ARSG: variants seen among roughly 807,000 people sequenced by gnomAD.
The protein encoded by ARSG is arylsulfatase G.
ARSG carries 37 observed loss-of-function variants against 50.5 expected under a neutral mutation model. The observed-to-expected ratio is 0.73, with a 90% CI of 0.56 to 0.96. ARSG has a LOEUF of 0.96. Among genes scored for constraint, ARSG ranks in the 50% least tolerant of loss-of-function variants. ARSG has a pLI of 0.00. For synonymous variants in ARSG, 225 were observed against 254.6 expected (o/e 0.88, Z 1.11); for missense variants, 629 against 675.3 (o/e 0.93, Z 0.76).
chr17:68,315,699 C>G (rs2077044172), intron 2 of ARSG, among the ~76,000 whole-genome samples: 1 of 152,096 alleles, frequency 6.6e-6, no homozygotes, highest in South Asian at 2.1e-4. Context: ...GTGGCGCGAT[C>G]TTGGCTCACT....
downstream of ARSG, chr17:68,421,899 C>T: frequency 6.3e-7 from 1 of 1,583,034 alleles, no homozygotes; most frequent in Non-Finnish European, 8.7e-7. Flanking sequence ...CAGGTCTGTG[C>T]CCATGCAGAG....
At chr17:68,415,120 T>C (rs1352762282) in intron 11 of ARSG, among the ~76,000 whole-genome samples, 1 of 152,206 alleles carries the variant, frequency 6.6e-6, no homozygotes, top group African/African-American at 2.4e-5. Flanking sequence ...CCTTAGAATG[T>C]CAGTTTGTGC....
Position 68,347,168 on chromosome 17 carries a change from C to T in ARSG, c.450C>T (p.Phe150=), listed in dbSNP as rs778599263. Residue 150 remains phenylalanine, a synonymous_variant, in exon 4 of 12, where the codon TTC becomes TTT. Coordinates refer to ENST00000621439, the MANE Select transcript of ARSG (RefSeq NM_001267727.2). The part of the protein sequence containing the change: ...LGHHGSYHPN[F]RGFDYYFGIP... ...ACCACGGCTCTTATCACCCCAACTT[C>T]CGTGGTAAGAATTCTTTTGGGGATT... The T allele has an allele frequency of 3.1e-6, 5 of 1,613,792 alleles. No individual in the cohort carries two copies. Among genetic ancestry groups the T allele is most frequent in the East Asian group, 2.2e-5 (1 of 44,902 alleles).
intron 11 of ARSG, among the ~76,000 whole-genome samples, chr17:68,405,599 A>G (rs937503352): frequency 3.9e-5 from 6 of 152,202 alleles, no homozygotes; most frequent in African/African-American, 1.2e-4. Context: ...TTTTCTACAT[A>G]TAAGATTATA....
chr17:68,359,969 G>A (rs1196837648), intron 6 of ARSG, among the ~76,000 whole-genome samples: 1 of 152,176 alleles, frequency 6.6e-6, no homozygotes, highest in Non-Finnish European at 1.5e-5. Context: ...GTGCCCCATG[G>A]CACGTGGATG....
chr17:68,323,182 T>G (rs1555771204), intron 2 of ARSG, among the ~76,000 whole-genome samples: 1 of 152,148 alleles, frequency 6.6e-6, no homozygotes, highest in African/African-American at 2.4e-5. Context: ...GTGTGACTTA[T>G]AAATTCTCTC....
chr17:68,352,643 A>G (rs1233048750), intron 5 of ARSG, among the ~76,000 whole-genome samples: 2 of 151,412 alleles, frequency 1.3e-5, no homozygotes, highest in Non-Finnish European at 2.9e-5. Context: ...TTGAGTAGCT[A>G]GGATTACAGG....
chr17:68,366,582 A>C (rs1339906504), intron 6 of ARSG, among the ~76,000 whole-genome samples: 3 of 152,086 alleles, frequency 2.0e-5, no homozygotes, highest in African/African-American at 7.3e-5. Flanking sequence ...AAAACTAGGC[A>C]AGAATGGAGA....
chr17:68,429,523 G>T, the ARSG span, among the ~76,000 whole-genome samples: 1 of 152,170 alleles, frequency 6.6e-6, no homozygotes, highest in Non-Finnish European at 1.5e-5. Flanking sequence ...TGCCCCCTGA[G>T]AATCCGTATT....
At chr17:68,306,665 G>C (rs1411225779) in intron 1 of ARSG, among the ~76,000 whole-genome samples, 4 of 152,200 alleles carry the variant, frequency 2.6e-5, no homozygotes, top group African/African-American at 9.6e-5. Context: ...GGCTGGTCCT[G>C]GTCCCACCCA....
intron 8 of ARSG, chr17:68,379,811 C>T (rs1769368441): frequency 8.1e-6 from 8 of 985,220 alleles, no homozygotes; most frequent in African/African-American, 1.7e-5. Context: ...ACCAAACTGT[C>T]GGAGGTTGTG....
chr17:68,419,132 G>C (rs912067106), intron 11 of ARSG, among the ~76,000 whole-genome samples: 1 of 151,632 alleles, frequency 6.6e-6, no homozygotes, highest in Non-Finnish European at 1.5e-5. Flanking sequence ...TCGAATCCAC[G>C]TAAGACTGTC....
intron 1 of ARSG, among the ~76,000 whole-genome samples, chr17:68,262,675 A>C (rs2144841560): frequency 6.6e-6 from 1 of 152,322 alleles, no homozygotes; most frequent in Admixed American, 6.5e-5. Context: ...GCCAGCTAGA[A>C]GACTACTGTA....
At chr17:68,447,709 G>A in the ARSG span, among the ~76,000 whole-genome samples, 3 of 152,060 alleles carry the variant, frequency 2.0e-5, no homozygotes, top group Admixed American at 6.6e-5. Context: ...AAAGGGATTT[G>A]GGGCCAGGTG....
chr17:68,411,429 C>T (rs952051893), intron 11 of ARSG, among the ~76,000 whole-genome samples: 19 of 152,226 alleles, frequency 1.2e-4, no homozygotes, highest in Admixed American at 7.2e-4. Flanking sequence ...TGTAGTTGAG[C>T]GGTTTTGAGT....
intron 2 of ARSG, among the ~76,000 whole-genome samples, chr17:68,330,695 C>A (rs1283417026): frequency 6.6e-6 from 1 of 152,098 alleles, no homozygotes; most frequent in African/African-American, 2.4e-5. Flanking sequence ...AAGGAAGCAA[C>A]CACATGCCAC....
At chr17:68,445,817 C>A in the ARSG span, among the ~76,000 whole-genome samples, 1 of 152,220 alleles carries the variant, frequency 6.6e-6, no homozygotes, top group Non-Finnish European at 1.5e-5. Flanking sequence ...AGCTGCCGAC[C>A]ACCCCTGCAC....
At chr17:68,395,970 C>T (rs2081224951) in intron 10 of ARSG, among the ~76,000 whole-genome samples, 1 of 151,620 alleles carries the variant, frequency 6.6e-6, no homozygotes, top group Admixed American at 6.6e-5. Flanking sequence ...ATTCTCCCAG[C>T]TCCAGAGGGC....
rs142042022 is a variant in ARSG at position 68,347,022 on chromosome 17, C to T, written c.407-103C>T. On this transcript the variant is annotated intron_variant, in intron 3 of 11. Coordinates refer to ENST00000621439, the MANE Select transcript of ARSG (RefSeq NM_001267727.2). ...AGCTTCTTTTGGCTTGTCCACAGTG[C>T]GAGGCGAAGCTAATGGAGAGCTGAG... is the stretch of plus-strand genomic sequence containing the variant. 2,577 of 1,566,516 alleles carry T rather than the reference C, an allele frequency of 1.6e-3. 8 individuals carry two copies. The highest frequency in any genetic ancestry group is 7.2e-3 in the African/African-American group (533 of 74,042).
Sources: gnomAD v4.1 joint callset for allele counts (sites outside exome capture counted in the v4.1 genomes callset) on GRCh38, gnomAD v4.1.1 for gene constraint, MANE v1.5 for transcripts, NCBI Gene and HGNC (gene_info 2026-07-23, HGNC 2026-07-21) for gene names.